The following GSE1 variants were observed in gnomAD, a reference collection of about 807,000 sequenced individuals.
GSE1 encodes the protein genetic suppressor element 1.
Under a neutral mutation model 112.6 loss-of-function variants are expected in GSE1, and 32 were observed. The ratio of observed to expected loss-of-function variants is 0.28; its 90% confidence interval spans 0.21 to 0.38. GSE1 has a LOEUF of 0.38. Ranked by LOEUF, GSE1 falls within the 10% of genes least tolerant of loss-of-function variation. The pLI is 1.00. For synonymous variants in GSE1, 1,115 were observed against 735.6 expected (o/e 1.52, Z -8.35); for missense variants, 2,348 against 1,699.2 (o/e 1.38, Z -6.71).
chr16:85,227,155 G>A (rs567788065), intron 1 of GSE1, among the ~76,000 whole-genome samples: 19 of 152,150 alleles, frequency 1.2e-4, no homozygotes, highest in Non-Finnish European at 2.5e-4. Flanking sequence ...TCATTGGTCC[G>A]TCTATCCATC....
chr16:85,236,473 A>G (rs1904678161), intron 1 of GSE1, among the ~76,000 whole-genome samples: 1 of 152,204 alleles, frequency 6.6e-6, no homozygotes, highest in African/African-American at 2.4e-5. Context: ...AGCGGAGGCA[A>G]GCACATCATG....
chr16:85,445,701 G>A (rs1420513032), intron 2 of GSE1, among the ~76,000 whole-genome samples: 1 of 152,222 alleles, frequency 6.6e-6, no homozygotes, highest in African/African-American at 2.4e-5. Flanking sequence ...CTCTCGGGGA[G>A]CGCGCCAGCA....
chr16:85,248,403 G>A (rs895224157), intron 1 of GSE1, among the ~76,000 whole-genome samples: 8 of 151,046 alleles, frequency 5.3e-5, no homozygotes, highest in African/African-American at 2.0e-4. Flanking sequence ...TCTTCTTTCT[G>A]TTTCCTCTGT....
At chr16:85,429,711 C>T (rs7202307) in intron 2 of GSE1, among the ~76,000 whole-genome samples, 82,921 of 152,078 alleles carry the variant, frequency 0.55, 25,532 homozygotes, top group Non-Finnish European at 0.7. Flanking sequence ...GCCTTTGCCC[C>T]CACTGTTCCC....
At chr16:85,287,998 G>A (rs1256446901) in intron 1 of GSE1, among the ~76,000 whole-genome samples, 3 of 152,208 alleles carry the variant, frequency 2.0e-5, no homozygotes, top group Non-Finnish European at 4.4e-5. Flanking sequence ...CCAGCACTTC[G>A]GGAGGCCGAG....
intron 1 of GSE1, among the ~76,000 whole-genome samples, chr16:85,191,378 T>G (rs1420000612): frequency 6.6e-6 from 1 of 152,228 alleles, no homozygotes; most frequent in East Asian, 1.9e-4. Context: ...TTCACAAAAT[T>G]GTATAACCAT....
chr16:85,657,272 C>CG lies in GSE1; in HGVS notation c.1313-5_1313-4insG, dbSNP rs1555566167. The CG allele has an allele frequency of 2.0e-6, 3 of 1,538,124 alleles. No homozygotes were observed. The highest frequency in any genetic ancestry group is 2.6e-6 in the Non-Finnish European group (3 of 1,141,870). On this transcript the variant is annotated splice_polypyrimidine_tract_variant and splice_region_variant and intron_variant, in intron 7 of 15. Transcript: ENST00000253458. Reference sequence around the variant, plus strand: ...GATCCTGCTTGACCGTGTTTCCCCCCACAGAGAAGCTGAAGGATGCCGGCC... The same window carrying CG: ...GATCCTGCTTGACCGTGTTTCCCCCCGACAGAGAAGCTGAAGGATGCCGGCC...
intron 2 of GSE1, among the ~76,000 whole-genome samples, chr16:85,543,270 G>A (rs1361657877): frequency 6.6e-6 from 1 of 151,372 alleles, no homozygotes; most frequent in Non-Finnish European, 1.5e-5. Context: ...TCCTATAGCT[G>A]TTCCAGGGGC....
intron 2 of GSE1, among the ~76,000 whole-genome samples, chr16:85,474,013 C>T (rs910146735): frequency 2.0e-5 from 3 of 152,096 alleles, no homozygotes; most frequent in Admixed American, 6.5e-5. Flanking sequence ...CCAGCACAGG[C>T]GGGCAGGGTG....
intron 2 of GSE1, among the ~76,000 whole-genome samples, chr16:85,525,275 A>T (rs1368967296): frequency 1.3e-5 from 2 of 151,614 alleles, no homozygotes; most frequent in Admixed American, 1.3e-4. Flanking sequence ...TGGTGAGGTG[A>T]CCGCCGGGGG....
intron 2 of GSE1, among the ~76,000 whole-genome samples, chr16:85,503,275 G>A (rs1464494956): frequency 2.0e-5 from 3 of 152,204 alleles, no homozygotes; most frequent in African/African-American, 4.8e-5. Context: ...TCTCACGGAG[G>A]GTCAGCTGCC....
chr16:85,364,786 G>C (rs886947643), intron 2 of GSE1, among the ~76,000 whole-genome samples: 4 of 152,168 alleles, frequency 2.6e-5, no homozygotes, highest in African/African-American at 9.7e-5. Flanking sequence ...CGGGGAGCAG[G>C]ACAGCAGCCA....
chr16:85,624,274 T>C (rs1375607067), intron 1 of GSE1, among the ~76,000 whole-genome samples: 1 of 152,180 alleles, frequency 6.6e-6, no homozygotes, highest in Non-Finnish European at 1.5e-5. Context: ...CCAGGGCCTC[T>C]GGAGGGAGGA....
chr16:85,632,502 G>C (rs1421108795), intron 1 of GSE1, among the ~76,000 whole-genome samples: 1 of 152,178 alleles, frequency 6.6e-6, no homozygotes, highest in Non-Finnish European at 1.5e-5. Context: ...GGCAAGTTCT[G>C]GGGATAGCAG....
At chr16:85,324,379 G>A (rs1001649499) in intron 1 of GSE1, among the ~76,000 whole-genome samples, 7 of 152,010 alleles carry the variant, frequency 4.6e-5, no homozygotes, top group African/African-American at 9.7e-5. Context: ...GTGTGGTGGC[G>A]CATGCCTGTA....
intron 1 of GSE1, among the ~76,000 whole-genome samples, chr16:85,191,109 A>G (rs2074810439): frequency 6.6e-6 from 1 of 151,994 alleles, no homozygotes; most frequent in East Asian, 1.9e-4. Flanking sequence ...AAATACAAAC[A>G]ATTAGCTGGG....
chr16:85,349,591 G>A (rs890554052), intron 1 of GSE1, among the ~76,000 whole-genome samples: 3 of 152,002 alleles, frequency 2.0e-5, no homozygotes, highest in Non-Finnish European at 4.4e-5. Context: ...TGTGCCCGCC[G>A]CCCTCCCTAG....
At position 85,182,856 on chromosome 16, in the gene GSE1, C is replaced by T. The variant is rs573372665; in HGVS notation, c.2283+11049C>T. On this transcript the variant is annotated intron_variant, in intron 1 of 2. Coordinates refer to the GSE1 transcript ENST00000637419. ...CAGGGTGGGGTAGTTTTGCCCCCAC[C>T]ACTCCTCTGACCCACACACCCCAGC... Among the ~76,000 whole-genome samples, 7 of 152,140 alleles carry T rather than the reference C, an allele frequency of 4.6e-5. No homozygotes were observed. The South Asian group carries it at 1.5e-3, about 32-fold the overall frequency.
chr16:85,391,977 G>T (rs1167532278), intron 2 of GSE1, among the ~76,000 whole-genome samples: 4 of 152,110 alleles, frequency 2.6e-5, no homozygotes, highest in Admixed American at 2.0e-4. Context: ...AAAGGTGTTG[G>T]TGGATACCTC....
Sources: allele counts gnomAD v4.1 joint callset (sites outside exome capture counted in the v4.1 genomes callset), GRCh38; gene constraint gnomAD v4.1.1; transcripts MANE v1.5; gene names NCBI Gene and HGNC (gene_info 2026-07-23, HGNC 2026-07-21).